The following CAST variants were observed in gnomAD, a reference collection of about 807,000 sequenced individuals.
CAST encodes the protein calpastatin.
CAST carries 76 observed loss-of-function variants against 119.6 expected under a neutral mutation model. The observed-to-expected ratio is 0.64, with a 90% confidence interval of 0.53 to 0.77. CAST has a LOEUF of 0.77. Ranked by LOEUF, CAST falls within the 30% of genes least tolerant of loss-of-function variation. The pLI is 0.00. For missense variants in CAST, 953 were observed against 946.5 expected (o/e 1.01, Z -0.09); for synonymous variants, 319 against 331.6 (o/e 0.96, Z 0.41).
chr5:96,734,540 T>A (rs141524055), intron 9 of CAST, among the ~76,000 whole-genome samples: 21 of 152,310 alleles, frequency 1.4e-4, no homozygotes, highest in African/African-American at 5.1e-4. Flanking sequence ...TAGGAAATGA[T>A]TGACAGAAGT....
the CAST span, among the ~76,000 whole-genome samples, chr5:96,102,041 T>G: frequency 6.6e-6 from 1 of 152,190 alleles, no homozygotes; most frequent in Non-Finnish European, 1.5e-5. Context: ...CTCTTAGCTC[T>G]GCTGTCTGTG....
chr5:96,039,782 A>G, the CAST span, among the ~76,000 whole-genome samples: 8 of 152,286 alleles, frequency 5.3e-5, no homozygotes, highest in African/African-American at 1.7e-4. Context: ...GTAGTCTTGT[A>G]GTATAGTTTG....
At chr5:96,056,767 C>T in the CAST span, among the ~76,000 whole-genome samples, 1 of 152,234 alleles carries the variant, frequency 6.6e-6, no homozygotes, top group South Asian at 2.1e-4. Context: ...TAGTTCTTCT[C>T]TGGCCTGAGA....
the CAST span, among the ~76,000 whole-genome samples, chr5:96,476,052 G>A: frequency 1.1e-4 from 17 of 152,302 alleles, no homozygotes; most frequent in African/African-American, 3.4e-4. Context: ...AAAAGCGGCC[G>A]TTGAGGCCCT....
At chr5:96,196,008 A>G in the CAST span, among the ~76,000 whole-genome samples, 29 of 152,214 alleles carry the variant, frequency 1.9e-4, no homozygotes, top group African/African-American at 7.0e-4. Context: ...ATAGGGCAGA[A>G]TGGAAGCATA....
At chr5:96,744,314 C>T (rs934333559) in intron 16 of CAST, among the ~76,000 whole-genome samples, 2 of 152,200 alleles carry the variant, frequency 1.3e-5, no homozygotes, top group African/African-American at 4.8e-5. Context: ...CACAGTTCCT[C>T]ATGGCTAGGG....
At chr5:96,599,975 A>AAAAAAAAAAAAAG (rs762798506) in intron 1 of CAST, among the ~76,000 whole-genome samples, 205 of 140,558 alleles carry the variant, frequency 1.5e-3, no homozygotes, top group African/African-American at 4.3e-3. Context: ...GCAAAAAAAA[A>AAAAAAAAAAAAAG]AAAAAAAACC....
At chr5:96,725,557 CAT>C (rs1759103501) in intron 4 of CAST, among the ~76,000 whole-genome samples, 1 of 152,162 alleles carries the variant, frequency 6.6e-6, no homozygotes, top group Admixed American at 6.5e-5. Flanking sequence ...TGGGTTGACA[CAT>C]GAGAGGTGAT....
the CAST span, among the ~76,000 whole-genome samples, chr5:96,122,329 C>G: frequency 6.6e-6 from 1 of 152,084 alleles, no homozygotes. Context: ...CTTTATAATG[C>G]AAAGATAACT....
chr5:96,516,377 A>AC, the CAST span, among the ~76,000 whole-genome samples: 2 of 152,060 alleles, frequency 1.3e-5, no homozygotes, highest in Admixed American at 6.6e-5. Context: ...ATAAAAAAAA[A>AC]ATGAGAGTTG....
At chr5:96,772,219 T>C (rs1376315937) in intron 31 of CAST, 1 of 153,706 alleles carries the variant, frequency 6.5e-6, no homozygotes, top group Admixed American at 6.5e-5. Flanking sequence ...AAGTACTGTG[T>C]TTGATTCTAA....
chr5:96,154,121 C>A, the CAST span, among the ~76,000 whole-genome samples: 5 of 151,672 alleles, frequency 3.3e-5, no homozygotes, highest in African/African-American at 1.2e-4. Context: ...ACTAAAAAAA[C>A]CGAAAAATTA....
intron 1 of CAST, among the ~76,000 whole-genome samples, chr5:96,667,972 A>G (rs140546489): frequency 0.017 from 2,584 of 152,294 alleles, 76 homozygotes; most frequent in African/African-American, 0.059. Flanking sequence ...CCGAGATTGC[A>G]CCACTGCACT....
the CAST span, among the ~76,000 whole-genome samples, chr5:96,130,091 T>C: frequency 6.7e-6 from 1 of 149,368 alleles, no homozygotes. Flanking sequence ...AGAGTACCTG[T>C]GAAAAAAGGG....
the CAST span, among the ~76,000 whole-genome samples, chr5:96,394,334 A>G: frequency 6.6e-6 from 1 of 152,248 alleles, no homozygotes. Context: ...CTATCCTCTG[A>G]AATTTTTTGA....
intron 1 of CAST, among the ~76,000 whole-genome samples, chr5:96,572,903 C>T (rs1746594899): frequency 6.6e-6 from 1 of 152,166 alleles, no homozygotes; most frequent in Non-Finnish European, 1.5e-5. Flanking sequence ...TCATGCACAA[C>T]CTGGTGGGAC....
chr5:96,400,004 C>T, the CAST span: 6 of 1,614,250 alleles, frequency 3.7e-6, no homozygotes, highest in Non-Finnish European at 4.2e-6. Flanking sequence ...CTCAGGCACG[C>T]TCCTCCAGGT....
chr5:96,696,817 C>G (rs1167617216), intron 3 of CAST, among the ~76,000 whole-genome samples: 3 of 152,018 alleles, frequency 2.0e-5, no homozygotes, highest in African/African-American at 4.8e-5. Context: ...GACAGTGCCA[C>G]TGCACTCCAG....
chr5:96,126,814 TGA>T, the CAST span, among the ~76,000 whole-genome samples: 1 of 152,084 alleles, frequency 6.6e-6, no homozygotes, highest in Non-Finnish European at 1.5e-5. Flanking sequence ...CCTTTTTAGG[TGA>T]GAAAATTAAG....
Sources: allele counts gnomAD v4.1 joint callset (sites outside exome capture counted in the v4.1 genomes callset), GRCh38; gene constraint gnomAD v4.1.1; transcripts MANE v1.5; gene names NCBI Gene and HGNC (gene_info 2026-07-23, HGNC 2026-07-21).